The following SHANK2 variants were observed in gnomAD, a reference collection of about 807,000 sequenced individuals.
SHANK2 encodes SH3 and multiple ankyrin repeat domains protein 2.
In SHANK2, 43 loss-of-function variants were observed where a neutral mutation model predicts 133.7. The observed-to-expected ratio is 0.32, with a 90% confidence interval of 0.25 to 0.41. The LOEUF is 0.41. Among genes scored for constraint, SHANK2 ranks in the 10% least tolerant of loss-of-function variants. The pLI is 1.00. For synonymous variants in SHANK2, 1,017 were observed against 952.8 expected, an observed-to-expected ratio of 1.07 and a Z score of -1.24; for missense variants, 1,994 against 2,235.8, an observed-to-expected ratio of 0.89 and a Z score of 2.18.
At chr11:71,124,007 G>A (rs543010535) in intron 3 of SHANK2, among the ~76,000 whole-genome samples, 1 of 151,720 alleles carries the variant, frequency 6.6e-6, no homozygotes, top group East Asian at 2.0e-4. Context: ...TGATGATGAG[G>A]GTGGTTGTAA....
intron 1 of SHANK2, among the ~76,000 whole-genome samples, chr11:71,249,820 G>A (rs1045876607): frequency 3.3e-5 from 5 of 152,156 alleles, no homozygotes; most frequent in Admixed American, 2.0e-4. Flanking sequence ...TTCCCGGCCC[G>A]TTTTTCTCTC....
intron 4 of SHANK2, among the ~76,000 whole-genome samples, chr11:71,115,686 A>G (rs1452406118): frequency 1.3e-5 from 2 of 152,128 alleles, no homozygotes; most frequent in Admixed American, 6.5e-5. Context: ...CTGAGAGAGC[A>G]TGGGTGGCTG....
At chr11:70,728,696 T>G (rs1473512236) in intron 14 of SHANK2, among the ~76,000 whole-genome samples, 12 of 152,252 alleles carry the variant, frequency 7.9e-5, no homozygotes, top group Admixed American at 7.2e-4. Context: ...CCCAAGGTGC[T>G]GTTTGAATTA....
chr11:71,060,743 C>T (rs1950977369), intron 9 of SHANK2, among the ~76,000 whole-genome samples: 1 of 152,168 alleles, frequency 6.6e-6, no homozygotes, highest in South Asian at 2.1e-4. Flanking sequence ...GGAGGCTGAG[C>T]TGAGAAAAAG....
intron 17 of SHANK2, among the ~76,000 whole-genome samples, chr11:70,643,663 G>T (rs1412434718): frequency 2.0e-5 from 3 of 151,784 alleles, no homozygotes; most frequent in Non-Finnish European, 4.4e-5. Context: ...TGGGAATCAC[G>T]TCGTGGTTGG....
Position 71,081,652 on chromosome 11 carries a change from C to T in SHANK2, c.913-6377G>A, listed in dbSNP as rs973140870. Among the ~76,000 whole-genome samples the T allele has an allele frequency of 1.8e-3, 275 of 152,304 alleles. 2 individuals are homozygous for T. Among genetic ancestry groups the T allele is most frequent in the African/African-American group, 6.4e-3 (268 of 41,582 alleles). On this transcript the variant is annotated intron_variant, in intron 8 of 25. Coordinates refer to ENST00000601538, the MANE Select transcript of SHANK2 (RefSeq NM_012309.5). ...TCAGGGCTGACTGGGAAGGCAGGTA[C>T]TCAAGGGTCCTCATTCCCTCTGGAG...
intron 17 of SHANK2, among the ~76,000 whole-genome samples, chr11:70,543,156 A>G (rs1251168309): frequency 3.9e-5 from 6 of 152,164 alleles, no homozygotes; most frequent in African/African-American, 1.4e-4. Flanking sequence ...AGATCAGAGG[A>G]TGCTCTGTTA....
chr11:70,546,097 ATTTTT>A (rs57144719), intron 17 of SHANK2, among the ~76,000 whole-genome samples: 3 of 137,562 alleles, frequency 2.2e-5, no homozygotes, highest in East Asian at 2.0e-4. Flanking sequence ...TATTTATTTA[ATTTTT>A]TTTTTTTTTT....
At chr11:71,100,145 G>A (rs923727756) in intron 6 of SHANK2, among the ~76,000 whole-genome samples, 3 of 152,152 alleles carry the variant, frequency 2.0e-5, no homozygotes, top group African/African-American at 7.2e-5. Context: ...GGAGCAACAG[G>A]AACTCTCATC....
At chr11:70,671,907 C>G (rs533782174) in intron 15 of SHANK2, among the ~76,000 whole-genome samples, 1 of 152,244 alleles carries the variant, frequency 6.6e-6, no homozygotes, top group South Asian at 2.1e-4. Flanking sequence ...TTCCTTCCCC[C>G]ACAGCCAACC....
At chr11:71,215,538 A>G (rs1393083628) in intron 2 of SHANK2, among the ~76,000 whole-genome samples, 1 of 152,184 alleles carries the variant, frequency 6.6e-6, no homozygotes, top group Non-Finnish European at 1.5e-5. Context: ...AAAGAAAGCA[A>G]GGAAGGCCTG....
In SHANK2 at chr11:70,479,299, G is replaced by T. The variant is rs1043714270; in HGVS notation, c.4980-5860C>A. 9.2e-5 allele frequency among the ~76,000 whole-genome samples: 14 copies of T among 152,294 alleles called. No individual in the cohort carries two copies. The East Asian group carries it at 2.1e-3, about 23-fold the overall frequency. ...AGCAGTCTGTGCTCTGGGACCAGCT[G>T]GGCAGAGATAACTTTTTAACAACCC... is the stretch of plus-strand genomic sequence containing the variant. On this transcript the variant is annotated intron_variant, in intron 25 of 25. Transcript: ENST00000601538. This position sits in a 1 kb window ranked among gnomAD's most constrained non-coding sequence, Gnocchi z 4.4.
intron 17 of SHANK2, among the ~76,000 whole-genome samples, chr11:70,639,741 A>G (rs1378890275): frequency 1.3e-5 from 2 of 152,154 alleles, no homozygotes; most frequent in African/African-American, 2.4e-5. Context: ...CTGGCTGGCC[A>G]GGGACATGAA....
chr11:70,609,494 C>G (rs61886360), intron 17 of SHANK2, among the ~76,000 whole-genome samples: 7,727 of 152,224 alleles, frequency 0.051, 276 homozygotes, highest in Non-Finnish European at 0.078. Context: ...AAAACAAGCA[C>G]GCACAGCCAT....
chr11:70,662,625 G>A (rs1228336416), intron 15 of SHANK2, among the ~76,000 whole-genome samples: 1 of 152,180 alleles, frequency 6.6e-6, no homozygotes, highest in Non-Finnish European at 1.5e-5. Context: ...ACTGGAGGGG[G>A]TATGTGGCTG....
chr11:70,552,806 C>T (rs782582541), intron 17 of SHANK2, among the ~76,000 whole-genome samples: 1 of 152,162 alleles, frequency 6.6e-6, no homozygotes, highest in Non-Finnish European at 1.5e-5. Flanking sequence ...CTGGTGCCCA[C>T]CTGCCCTCTA....
At chr11:71,142,605 C>T (rs1241241606) in intron 3 of SHANK2, among the ~76,000 whole-genome samples, 1 of 151,988 alleles carries the variant, frequency 6.6e-6, no homozygotes, top group Non-Finnish European at 1.5e-5. Flanking sequence ...CAAGGAAAAT[C>T]CAGTATAGGA....
intron 3 of SHANK2, among the ~76,000 whole-genome samples, chr11:71,140,168 G>C (rs782619993): frequency 6.6e-6 from 1 of 152,224 alleles, no homozygotes; most frequent in Non-Finnish European, 1.5e-5. Context: ...CACACCCGGG[G>C]GATTTCTGGT....
chr11:71,082,806 T>G (rs894743578), intron 8 of SHANK2, among the ~76,000 whole-genome samples: 1 of 152,160 alleles, frequency 6.6e-6, no homozygotes, highest in Non-Finnish European at 1.5e-5. Flanking sequence ...TTAAATGCGA[T>G]AAATAACAAA....
Sources: allele counts gnomAD v4.1 joint callset (sites outside exome capture counted in the v4.1 genomes callset), GRCh38; gene constraint gnomAD v4.1.1; non-coding constraint Gnocchi (gnomAD v3.1); transcripts MANE v1.5; gene names NCBI Gene and HGNC (gene_info 2026-07-23, HGNC 2026-07-21).